Variants in LTBP1 observed in about 807,000 individuals in gnomAD.
LTBP1 encodes latent-transforming growth factor beta-binding protein 1.
LTBP1 carries 129 observed loss-of-function variants against 207.6 expected under a neutral mutation model. The ratio of observed to expected loss-of-function variants is 0.62; its 90% CI spans 0.54 to 0.72. The LOEUF (loss-of-function observed/expected upper bound fraction) is 0.72. Among genes scored for constraint, LTBP1 ranks in the 30% least tolerant of loss-of-function variants. LTBP1 has a pLI of 0.00. For missense variants in LTBP1, 2,281 were observed against 2,217.2 expected, an observed-to-expected ratio of 1.03 and a Z score of -0.58; for synonymous variants, 963 against 833.7, an observed-to-expected ratio of 1.16 and a Z score of -2.67.
At chr2:33,353,531 C>T (rs75147130) in intron 26 of LTBP1, among the ~76,000 whole-genome samples, 185 of 152,324 alleles carry the variant, frequency 1.2e-3, no homozygotes, top group African/African-American at 4.3e-3. Flanking sequence ...TAAATTGCCT[C>T]TCCACATTAG....
At chr2:33,083,479 T>C (rs2078561609) in intron 3 of LTBP1, among the ~76,000 whole-genome samples, 1 of 151,474 alleles carries the variant, frequency 6.6e-6, no homozygotes, top group African/African-American at 2.4e-5. Flanking sequence ...GGGAGTGACA[T>C]GTGATGAGGG....
chr2:33,260,508 A>T (rs565204476), intron 13 of LTBP1, among the ~76,000 whole-genome samples: 1 of 152,372 alleles, frequency 6.6e-6, no homozygotes, highest in African/African-American at 2.4e-5. Context: ...GGCAATACAT[A>T]CATGAGTTAT....
chr2:33,175,495 C>A (rs1164134825), intron 5 of LTBP1, among the ~76,000 whole-genome samples: 1 of 152,114 alleles, frequency 6.6e-6, no homozygotes, highest in Non-Finnish European at 1.5e-5. Context: ...ATTAAAAAGT[C>A]AGGAAACAAC....
chr2:32,996,151 C>T (rs565006265), intron 2 of LTBP1, among the ~76,000 whole-genome samples: 6 of 152,198 alleles, frequency 3.9e-5, no homozygotes, highest in Admixed American at 2.0e-4. Flanking sequence ...AACAAAATAC[C>T]GTAAACTGGG....
chr2:33,096,202 G>A (rs1162639083), intron 3 of LTBP1, among the ~76,000 whole-genome samples: 1 of 151,946 alleles, frequency 6.6e-6, no homozygotes, highest in Non-Finnish European at 1.5e-5. Context: ...GTACAAAGTA[G>A]GTCATAAAAT....
At chr2:33,397,804 G>A (rs2095373502) in intron 33 of LTBP1, among the ~76,000 whole-genome samples, 1 of 151,782 alleles carries the variant, frequency 6.6e-6, no homozygotes. Context: ...TTACAGGCGT[G>A]AGCCACCACG....
chr2:33,041,424 A>G (rs929497060), intron 3 of LTBP1, among the ~76,000 whole-genome samples: 3 of 152,154 alleles, frequency 2.0e-5, no homozygotes, highest in Admixed American at 6.5e-5. Flanking sequence ...AGCTGGGACT[A>G]CAGGTGCCCG....
chr2:33,043,749 A>G (rs888113872), intron 3 of LTBP1, among the ~76,000 whole-genome samples: 1 of 152,220 alleles, frequency 6.6e-6, no homozygotes, highest in African/African-American at 2.4e-5. Flanking sequence ...TGAGAATGCA[A>G]CACAGGTGAA....
At chr2:33,320,665 C>T (rs781256403) in intron 24 of LTBP1, among the ~76,000 whole-genome samples, 5 of 152,146 alleles carry the variant, frequency 3.3e-5, no homozygotes, top group African/African-American at 2.4e-5. Context: ...GACTTTCTTG[C>T]AGCTGTCAAC....
intron 3 of LTBP1, among the ~76,000 whole-genome samples, chr2:33,046,691 C>G (rs1390811463): frequency 2.0e-5 from 3 of 152,132 alleles, no homozygotes; most frequent in Non-Finnish European, 4.4e-5. Flanking sequence ...GGAATGGTAC[C>G]AGCTCCTTTT....
chr2:33,380,050 A>G (rs898023081), intron 31 of LTBP1, among the ~76,000 whole-genome samples: 9 of 152,234 alleles, frequency 5.9e-5, no homozygotes, highest in African/African-American at 1.7e-4. Context: ...TGACCTTTGG[A>G]ATATCATAAA....
At chr2:32,959,549 A>ATATGTGTGTG (rs1553344502) in intron 2 of LTBP1, among the ~76,000 whole-genome samples, 1 of 125,348 alleles carries the variant, frequency 8.0e-6, no homozygotes, top group Non-Finnish European at 1.6e-5. Flanking sequence ...CTGTATATAT[A>ATATGTGTGTG]TGTGTGTGTG....
intron 31 of LTBP1, among the ~76,000 whole-genome samples, chr2:33,382,378 A>G (rs1328308349): frequency 6.6e-6 from 1 of 152,046 alleles, no homozygotes; most frequent in Non-Finnish European, 1.5e-5. Context: ...TATAGGCGTG[A>G]GCCACGGTGC....
intron 2 of LTBP1, among the ~76,000 whole-genome samples, chr2:32,980,790 T>C (rs376766840): frequency 4.6e-5 from 7 of 152,198 alleles, no homozygotes; most frequent in African/African-American, 1.7e-4. Context: ...TCAGCTTTTG[T>C]TTTTCTGGGA....
intron 1 of LTBP1, 21 bp downstream of exon 1, chr2:32,947,839 G>T (rs1676448220): frequency 2.4e-6 from 3 of 1,272,800 alleles, no homozygotes; most frequent in Non-Finnish European, 3.0e-6. Flanking sequence ...ACCCCCTTCC[G>T]CCCGCCCGCC....
intron 7 of LTBP1, among the ~76,000 whole-genome samples, chr2:33,201,378 CA>C (rs572741452): frequency 6.9e-6 from 1 of 145,430 alleles, no homozygotes; most frequent in African/African-American, 2.5e-5. Flanking sequence ...ATGGCAAGGA[CA>C]AAAAAACCAA....
intron 27 of LTBP1, 142 bp from the exon 28 acceptor site, chr2:33,361,287 C>A: frequency 1.8e-6 from 1 of 546,178 alleles, no homozygotes. Context: ...GCACTTAATC[C>A]ATCATTTTTT....
At chr2:33,117,289 C>G (rs2080803817) in intron 4 of LTBP1, among the ~76,000 whole-genome samples, 1 of 152,214 alleles carries the variant, frequency 6.6e-6, no homozygotes, top group African/African-American at 2.4e-5. Context: ...GGTTGAATGT[C>G]TTGCTTGTAG....
At chr2:33,344,979 A>T (rs2094682664) in intron 25 of LTBP1, among the ~76,000 whole-genome samples, 1 of 152,222 alleles carries the variant, frequency 6.6e-6, no homozygotes, top group African/African-American at 2.4e-5. Flanking sequence ...AGCTTGGCAC[A>T]CAAAACACCA....
Sources: allele counts gnomAD v4.1 joint callset (sites outside exome capture counted in the v4.1 genomes callset), GRCh38; gene constraint gnomAD v4.1.1; transcripts MANE v1.5; gene names NCBI Gene and HGNC (gene_info 2026-07-23, HGNC 2026-07-21).